Variants in TNPO2 observed in about 807,000 individuals in gnomAD.
TNPO2 encodes transportin 2.
Under a neutral mutation model 111.1 loss-of-function variants are expected in TNPO2, and 16 were observed. That is an observed-to-expected ratio of 0.14 (90% CI 0.10 to 0.22). The LOEUF (loss-of-function observed/expected upper bound fraction) is 0.22, where lower values mean the gene tolerates loss of function less well. Ranked by LOEUF, TNPO2 falls within the 10% of genes least tolerant of loss-of-function variation. The probability of loss-of-function intolerance (pLI) is 1.00; values close to 1 mark genes in which losing one functional copy is unlikely to be tolerated. For missense variants in TNPO2, 530 were observed against 1,173.7 expected (o/e 0.45, Z 8.01); for synonymous variants, 481 against 475.8 (o/e 1.01, Z -0.14).
chr19:12,700,639 G>T lies in TNPO2; in HGVS notation c.*625C>A, dbSNP rs1182844667. 1 of 42,498 alleles carries T rather than the reference G, an allele frequency of 2.4e-5. No individual in the cohort carries two copies. Among genetic ancestry groups the T allele is most frequent in the Non-Finnish European group, 4.5e-5 (1 of 22,266 alleles). 2.6% of individuals were successfully genotyped at this position (42,498 alleles called of 1,614,324 possible). A position where few individuals can be genotyped will look rare whatever the true frequency, so the allele number is the denominator to read the frequency against. ...CCTCCTCCCCCCGCCCCGAGATCCC[G>T]CCTGAGGCCCCCCACCCACCCAGCC... is the stretch of plus-strand genomic sequence containing the variant. On this transcript the variant is annotated 3_prime_UTR_variant, in exon 26 of 26. Transcript: ENST00000425528.
chr19:12,719,763 C>A lies in TNPO2; in HGVS notation c.100-427G>T, dbSNP rs1398030108. ...GCAGTGAGCCGAGATTGCGCCTCTG[C>A]ATTCCAGTCTGGGCGACAGAGCAAG... On this transcript the variant is annotated intron_variant, in intron 3 of 25. Transcript: ENST00000425528. This position sits in a 1 kb window ranked among gnomAD's most constrained non-coding sequence, Gnocchi z 5.0. Among the ~76,000 whole-genome samples, 2 of 151,154 alleles carry A rather than the reference C, an allele frequency of 1.3e-5. No individual in the cohort carries two copies. Among genetic ancestry groups the A allele is most frequent in the Non-Finnish European group, 2.9e-5 (2 of 67,916 alleles).
intron 3 of TNPO2, 91 bp downstream of exon 3, chr19:12,720,787 TA>T: frequency 1.4e-6 from 2 of 1,460,630 alleles, no homozygotes; most frequent in Admixed American, 4.6e-5. Context: ...ATCTGGGGAC[TA>T]GGGGAGTCAG....
rs1422962182 is a variant in TNPO2, at chr19:12,701,343, C to G, written c.*3G>C. 1 of 1,612,564 alleles carries G rather than the reference C, an allele frequency of 6.2e-7. No homozygotes were observed. The highest frequency in any genetic ancestry group is 1.1e-5 in the South Asian group (1 of 91,032). On this transcript the variant is annotated 3_prime_UTR_variant, in exon 25 of 26. Transcript: ENST00000425528. This position sits in a 1 kb window ranked among gnomAD's most constrained non-coding sequence, Gnocchi z 5.0. ...CTCCTTACCTGGCAGTCTCCATGAT[C>G]ACCTAGACCCCATAGAAAGCCGCCA...
At position 12,701,037 on chromosome 19, in the gene TNPO2, A is replaced by C. The variant is rs2025262187; in HGVS notation, c.*227T>G. On this transcript the variant is annotated 3_prime_UTR_variant, in exon 26 of 26. Coordinates refer to ENST00000425528, the MANE Select transcript of TNPO2 (RefSeq NM_001382241.1). The surrounding 1 kb of genome is among the most constrained non-coding windows in gnomAD (Gnocchi z 5.0). Reference sequence around the variant, plus strand: ...CCCTTGCCCACCAGAAGTCCCCCCCACCTCCCCGTTTGTAGGATGAGCATG... The same window carrying C: ...CCCTTGCCCACCAGAAGTCCCCCCCCCCTCCCCGTTTGTAGGATGAGCATG... The C allele has an allele frequency of 1.3e-5, 4 of 299,424 alleles. No individual in the cohort carries two copies. Among genetic ancestry groups the C allele is most frequent in the East Asian group, 6.7e-5 (1 of 14,882 alleles). The allele number at this position is 299,424 out of a possible 1,614,324, so 18.5% of individuals were successfully genotyped here.
In TNPO2 at chr19:12,702,051, G is replaced by A; in HGVS notation, c.2411+21C>T. The A allele has an allele frequency of 6.2e-7, 1 of 1,609,852 alleles. No individual in the cohort carries two copies. The highest frequency in any genetic ancestry group is 8.5e-7 in the Non-Finnish European group (1 of 1,176,566). ...GCCAGTCCCGCCCACCACACAGCAGGCTTGACACGTGGACACACACCAAGG... is the reference window on the plus strand; with the variant it reads ...GCCAGTCCCGCCCACCACACAGCAGACTTGACACGTGGACACACACCAAGG... On this transcript the variant is annotated intron_variant, in intron 22 of 25. Coordinates refer to ENST00000425528, the MANE Select transcript of TNPO2 (RefSeq NM_001382241.1). The surrounding 1 kb of genome is among the most constrained non-coding windows in gnomAD (Gnocchi z 5.5).
intron 3 of TNPO2, among the ~76,000 whole-genome samples, chr19:12,720,097 A>C (rs1401388213): frequency 1.3e-5 from 2 of 151,476 alleles, no homozygotes; most frequent in African/African-American, 4.9e-5. Context: ...GCTCACTGCA[A>C]CCTCCGCCTC....
chr19:12,709,669 T>G (rs959532757), intron 13 of TNPO2, among the ~76,000 whole-genome samples: 32 of 146,352 alleles, frequency 2.2e-4, no homozygotes, highest in African/African-American at 8.0e-4. Context: ...TTTTGGTAGA[T>G]ATGAGGTCTC....
chr19:12,722,084 C>T (rs976123628), intron 2 of TNPO2: 1 of 133,482 alleles, frequency 7.5e-6, no homozygotes, highest in Admixed American at 7.5e-5. Flanking sequence ...AGTGCGGCCT[C>T]CCCCAATCAG....
intron 1 of TNPO2, 36 bp downstream of exon 1, chr19:12,723,733 C>A (rs1022464171): frequency 3.3e-5 from 5 of 152,180 alleles, no homozygotes; most frequent in Admixed American, 3.3e-4. Context: ...AATTTTTGCC[C>A]CTGCCTGAAG....
Position 12,699,269 on chromosome 19 carries a change from A to T in TNPO2, c.*1995T>A. 2.2e-6 allele frequency: 1 copy of T among 447,166 alleles called. No individual in the cohort carries two copies. Among genetic ancestry groups the T allele is most frequent in the Non-Finnish European group, 4.5e-6 (1 of 222,978 alleles). The allele number at this position is 447,166 out of a possible 1,614,324, so 27.7% of individuals were successfully genotyped here. A position where few individuals can be genotyped will look rare whatever the true frequency, so the allele number is the denominator to read the frequency against. On this transcript the variant is annotated 3_prime_UTR_variant, in exon 26 of 26. Transcript: ENST00000425528. ...GGAATCTCACGCCACCTCGGCGCCA[A>T]TCCCCAGCACAGCACAGTAACAAAT...
chr19:12,719,090 G>A lies in TNPO2; in HGVS notation c.264C>T (p.Phe88=), dbSNP rs1201449333. The part of the protein sequence containing the change: ...YQSFPPPVAD[F]IKQECLNNIG... ...TGTTGTTGAGACACTCCTGTTTGAT[G>A]AAGTCTGCCACAGGGGGTGGGAAGC... is the stretch of plus-strand genomic sequence containing the variant. Residue 88 remains phenylalanine (F), a synonymous_variant, in exon 5 of 26, where the codon TTC becomes TTT. Transcript: ENST00000425528. This position sits in a 1 kb window ranked among gnomAD's most constrained non-coding sequence, Gnocchi z 5.0. 1.2e-5 allele frequency: 19 copies of A among 1,613,880 alleles called. No individual in the cohort carries two copies. The highest frequency in any genetic ancestry group is 1.6e-5 in the Non-Finnish European group (19 of 1,179,908).
rs370774280 is a variant in TNPO2 at position 12,701,716 on chromosome 19, C to T, written c.2511+36G>A. On this transcript the variant is annotated intron_variant, in intron 23 of 25. Coordinates refer to ENST00000425528, the MANE Select transcript of TNPO2 (RefSeq NM_001382241.1). This position sits in a 1 kb window ranked among gnomAD's most constrained non-coding sequence, Gnocchi z 5.0. ...CAGGTGAGGGGCCGCCCGAGCCCAG[C>T]GCCCGCGCCTGCCCTCAGAGCCCAG... 6.8e-6 allele frequency: 11 copies of T among 1,612,726 alleles called. No individual in the cohort carries two copies. Among genetic ancestry groups the T allele is most frequent in the East Asian group, 2.2e-5 (1 of 44,890 alleles).
chr19:12,711,680 T>C, intron 10 of TNPO2, 67 bp from the exon 11 acceptor site: 1 of 1,437,652 alleles, frequency 7.0e-7, no homozygotes, highest in Non-Finnish European at 9.6e-7. Flanking sequence ...AGGCACAGCT[T>C]GGGGAGGAGG....
chr19:12,712,332 G>T (rs1037509226), intron 10 of TNPO2, among the ~76,000 whole-genome samples: 5 of 152,182 alleles, frequency 3.3e-5, no homozygotes, highest in Admixed American at 3.3e-4. Context: ...CCAGGAAAGT[G>T]GGGGAGTCTC....
At chr19:12,711,261 C>T (rs369766036) in intron 12 of TNPO2, 35 bp downstream of exon 12, 1 of 1,601,956 alleles carries the variant, frequency 6.2e-7, no homozygotes, top group African/African-American at 1.3e-5. Context: ...CCAGGGCTTG[C>T]CACCCCACCA....
rs1407330574 is a variant in TNPO2, at chr19:12,702,406, T to C, written c.2306-229A>G. The C allele has an allele frequency of 6.0e-6, 4 of 670,362 alleles. No individual in the cohort carries two copies. Among genetic ancestry groups the C allele is most frequent in the Admixed American group, 2.1e-5 (1 of 47,966 alleles). The allele number at this position is 670,362 out of a possible 1,614,324, so 41.5% of individuals were successfully genotyped here. ...CTTTTTGTTTTTTTTTGTTTTGTTT[T>C]GTTTTTGAGATGGAGTCTTGCTCTG... On this transcript the variant is annotated intron_variant, in intron 21 of 25. Coordinates refer to ENST00000425528, the MANE Select transcript of TNPO2 (RefSeq NM_001382241.1). The surrounding 1 kb of genome is among the most constrained non-coding windows in gnomAD (Gnocchi z 5.5).
At chr19:12,714,122 C>T (rs967364075) in intron 10 of TNPO2, among the ~76,000 whole-genome samples, 1 of 151,974 alleles carries the variant, frequency 6.6e-6, no homozygotes, top group African/African-American at 2.4e-5. Flanking sequence ...AAACACTGGT[C>T]GAAAATTTCT....
In TNPO2 at chr19:12,706,041, C is replaced by G. The variant is rs1313543253; in HGVS notation, c.1668+155G>C. The G allele has an allele frequency of 1.2e-6, 1 of 844,166 alleles. No individual in the cohort carries two copies. The highest frequency in any genetic ancestry group is 1.8e-6 in the Non-Finnish European group (1 of 556,898). The allele number at this position is 844,166 out of a possible 1,614,324, so 52.3% of individuals were successfully genotyped here. On this transcript the variant is annotated intron_variant, in intron 15 of 25. Transcript: ENST00000425528. This position sits in a 1 kb window ranked among gnomAD's most constrained non-coding sequence, Gnocchi z 7.0. ...GTCTCATAACTGTCTTTCTCCCCCACTAGACTGGGAGCAGGGCGAGGGCGG... is the reference window on the plus strand; with the variant it reads ...GTCTCATAACTGTCTTTCTCCCCCAGTAGACTGGGAGCAGGGCGAGGGCGG...
In TNPO2 at chr19:12,719,238, A is replaced by G. The variant is rs769551358; in HGVS notation, c.175+23T>C. 8.7e-6 allele frequency: 14 copies of G among 1,613,840 alleles called. No homozygotes were observed. In the South Asian group the frequency reaches 1.2e-4, roughly 14 times the overall value. On this transcript the variant is annotated intron_variant, in intron 4 of 25. Transcript: ENST00000425528. The surrounding 1 kb of genome is among the most constrained non-coding windows in gnomAD (Gnocchi z 5.0). The stretch of plus-strand genomic sequence containing the variant: ...GGGGAGAAAGCAGGGTCCCGATCGC[A>G]TGGAAGGGAGCAGAGGGCGTACCTT...
Sources: allele counts gnomAD v4.1 joint callset (sites outside exome capture counted in the v4.1 genomes callset), GRCh38; gene constraint gnomAD v4.1.1; non-coding constraint Gnocchi (gnomAD v3.1); transcripts MANE v1.5; gene names NCBI Gene and HGNC (gene_info 2026-07-23, HGNC 2026-07-21).